Variants in EFR3B observed in about 807,000 individuals in gnomAD.
EFR3B encodes EFR3 homolog B.
In EFR3B, 64 loss-of-function variants were observed where a neutral mutation model predicts 104.7. The ratio of observed to expected loss-of-function variants is 0.61; its 90% CI spans 0.50 to 0.75. EFR3B has a LOEUF of 0.75. Among genes scored for constraint, EFR3B ranks in the 30% least tolerant of loss-of-function variants. EFR3B has a pLI of 0.00. For missense variants in EFR3B, 750 were observed against 1,078.5 expected, an observed-to-expected ratio of 0.70 and a Z score of 4.27; for synonymous variants, 385 against 417.9, an observed-to-expected ratio of 0.92 and a Z score of 0.96.
Position 25,081,016 on chromosome 2 carries a change from C to CA in EFR3B, c.8-10308dup. ...TCTTTAATTGCATCAGGAGTCTCAG[C>CA]AGCAACATCTGCAATGTTGACACCA... On this transcript the variant is annotated intron_variant, in intron 1 of 22. Coordinates refer to ENST00000403714, the MANE Select transcript of EFR3B (RefSeq NM_014971.2). 7.9e-6 allele frequency: 6 copies of CA among 754,838 alleles called. No individual in the cohort carries two copies. The South Asian group carries it at 8.3e-5, about 10-fold the overall frequency. The allele number at this position is 754,838 out of a possible 1,614,324, so 46.8% of individuals were successfully genotyped here.
At chr2:25,081,802 A>T in intron 1 of EFR3B, 1 of 352,300 alleles carries the variant, frequency 2.8e-6, no homozygotes, top group Non-Finnish European at 5.1e-6. Context: ...AAGGAGAGGA[A>T]ATAATTCAAA....
intron 4 of EFR3B, among the ~76,000 whole-genome samples, chr2:25,118,447 G>C (rs1385912637): frequency 6.6e-6 from 1 of 152,084 alleles, no homozygotes; most frequent in East Asian, 1.9e-4. Flanking sequence ...CTGTGTGTGT[G>C]TGTATACACA....
rs1317217716 is a variant in EFR3B, at chr2:25,130,518, T to C, written c.771-34T>C. ...CTTCTCCCTAACACTGCCGGGAGTT[T>C]CATAGTTGTTCCCCCACGTTTTCTC... On this transcript the variant is annotated intron_variant, in intron 7 of 22. Coordinates refer to ENST00000403714, the MANE Select transcript of EFR3B (RefSeq NM_014971.2). The surrounding 1 kb of genome is among the most constrained non-coding windows in gnomAD (Gnocchi z 4.6). 1.3e-6 allele frequency: 2 copies of C among 1,521,008 alleles called. No homozygotes were observed. 94.2% of individuals were successfully genotyped at this position (1,521,008 alleles called of 1,614,324 possible).
intron 1 of EFR3B, among the ~76,000 whole-genome samples, chr2:25,078,130 G>A (rs1322372226): frequency 6.6e-6 from 1 of 152,166 alleles, no homozygotes; most frequent in Non-Finnish European, 1.5e-5. Flanking sequence ...CTTGATGGCA[G>A]AACCTGTCTA....
At chr2:25,089,544 C>G (rs888425201) in intron 1 of EFR3B, among the ~76,000 whole-genome samples, 2 of 152,140 alleles carry the variant, frequency 1.3e-5, no homozygotes, top group African/African-American at 4.8e-5. Flanking sequence ...CGTGTGCTAC[C>G]TGGGCACCTT....
chr2:25,103,787 G>C lies in EFR3B; in HGVS notation c.363G>C (p.Ser121=). ...ACCTGCAGATCCTCGGCACCAACTC[G>C]GTAAGGAGCGGCCCAGGGGGCTCCA... ...KPNLQILGTN[S]FVKFANIEED... is the part of the protein sequence containing the mutation. Residue 121 remains serine (S), a splice_region_variant and synonymous_variant, in exon 4 of 23, where the codon TCG becomes TCC. Coordinates refer to ENST00000403714, the MANE Select transcript of EFR3B (RefSeq NM_014971.2). The C allele has an allele frequency of 6.4e-7, 1 of 1,551,330 alleles. No individual in the cohort carries two copies. Among genetic ancestry groups the C allele is most frequent in the Non-Finnish European group, 8.7e-7 (1 of 1,146,800 alleles).
At chr2:25,141,102 A>T (rs547656260) in intron 16 of EFR3B, among the ~76,000 whole-genome samples, 3 of 151,116 alleles carry the variant, frequency 2.0e-5, no homozygotes, top group African/African-American at 7.3e-5. Context: ...GCAGTCTCTT[A>T]AGAGTTAAGT....
chr2:25,154,507 C>T lies in EFR3B; in HGVS notation c.*167C>T. On this transcript the variant is annotated 3_prime_UTR_variant, in exon 23 of 23. Coordinates refer to ENST00000403714, the MANE Select transcript of EFR3B (RefSeq NM_014971.2). This position sits in a 1 kb window ranked among gnomAD's most constrained non-coding sequence, Gnocchi z 4.1. ...TGGAGACTCTCTGGTCCTTCTTGGCCCTCCTACCTCCTCCTCGTCTTCCCT... is the reference window on the plus strand; with the variant it reads ...TGGAGACTCTCTGGTCCTTCTTGGCTCTCCTACCTCCTCCTCGTCTTCCCT... 2 of 597,880 alleles carry T rather than the reference C, an allele frequency of 3.3e-6. No individual in the cohort carries two copies. Among genetic ancestry groups the T allele is most frequent in the Non-Finnish European group, 5.8e-6 (2 of 342,066 alleles). 37.0% of individuals were successfully genotyped at this position (597,880 alleles called of 1,614,324 possible).
At chr2:25,093,267 G>T (rs1340071247) in intron 3 of EFR3B, 137 bp downstream of exon 3, 11 of 1,212,608 alleles carry the variant, frequency 9.1e-6, no homozygotes, top group African/African-American at 1.5e-5. Context: ...GGTCAAGGTG[G>T]GAGGATCACT....
intron 1 of EFR3B, among the ~76,000 whole-genome samples, chr2:25,043,583 A>G (rs1029292708): frequency 2.0e-5 from 3 of 152,176 alleles, no homozygotes; most frequent in African/African-American, 7.2e-5. Context: ...AGGGTGAGAC[A>G]TCAGCAGGTC....
intron 1 of EFR3B, among the ~76,000 whole-genome samples, chr2:25,044,524 C>T (rs1031889839): frequency 1.3e-5 from 2 of 152,056 alleles, no homozygotes; most frequent in Non-Finnish European, 1.5e-5. Context: ...TCCAGGGTGA[C>T]AGAGTTAGAT....
chr2:25,141,277 C>A, intron 16 of EFR3B, 89 bp from the exon 17 acceptor site: 3 of 1,376,884 alleles, frequency 2.2e-6, no homozygotes, highest in African/African-American at 1.4e-5. Context: ...AGGGAGGAAG[C>A]ACCGAGCCGG....
chr2:25,120,425 C>T (rs548140503), intron 4 of EFR3B, among the ~76,000 whole-genome samples: 1 of 152,152 alleles, frequency 6.6e-6, no homozygotes, highest in Non-Finnish European at 1.5e-5. Flanking sequence ...GCGGGCGGAT[C>T]ACAAGGTCAA....
At position 25,042,895 on chromosome 2, in the gene EFR3B, C is replaced by CTT. The variant is rs1667612577; in HGVS notation, c.7+576_7+577insTT. 6.6e-6 allele frequency among the ~76,000 whole-genome samples: 1 copy of CTT among 152,156 alleles called. No individual in the cohort carries two copies. The highest frequency in any genetic ancestry group is 1.5e-5 in the Non-Finnish European group (1 of 68,024). The stretch of plus-strand genomic sequence containing the variant: ...CACCAACTTCCAGATTTTCCCTCCG[C>CTT]AGTGATGAAGGGAGGAGACGCTGCT... On this transcript the variant is annotated intron_variant, in intron 1 of 22. Coordinates refer to ENST00000403714, the MANE Select transcript of EFR3B (RefSeq NM_014971.2). The surrounding 1 kb of genome is among the most constrained non-coding windows in gnomAD (Gnocchi z 5.4).
chr2:25,110,862 A>G (rs2149195557), intron 4 of EFR3B, among the ~76,000 whole-genome samples: 1 of 152,284 alleles, frequency 6.6e-6, no homozygotes, highest in East Asian at 1.9e-4. Context: ...AACTTAGTAA[A>G]GACTATTTAT....
chr2:25,076,752 C>G (rs1668643284), intron 1 of EFR3B, among the ~76,000 whole-genome samples: 1 of 152,204 alleles, frequency 6.6e-6, no homozygotes, highest in Admixed American at 6.5e-5. Flanking sequence ...ACGTTTCTCT[C>G]CTTTTAAATC....
At chr2:25,073,979 C>A (rs1370273108) in intron 1 of EFR3B, among the ~76,000 whole-genome samples, 1 of 152,154 alleles carries the variant, frequency 6.6e-6, no homozygotes, top group Non-Finnish European at 1.5e-5. Context: ...ATTGATTGTG[C>A]CTTTTCTCTC....
chr2:25,132,102 G>A (rs1238352564), intron 10 of EFR3B, among the ~76,000 whole-genome samples, 191 bp downstream of exon 10: 1 of 152,184 alleles, frequency 6.6e-6, no homozygotes, highest in African/African-American at 2.4e-5. Context: ...TGGAGAGGGA[G>A]GGACCGCACT....
intron 16 of EFR3B, among the ~76,000 whole-genome samples, 162 bp downstream of exon 16, chr2:25,139,352 C>T (rs1226584323): frequency 1.3e-5 from 2 of 152,076 alleles, no homozygotes; most frequent in Admixed American, 1.3e-4. Context: ...GCATCTTTCC[C>T]TCCTGTATGA....
Sources: gnomAD v4.1 joint callset for allele counts (sites outside exome capture counted in the v4.1 genomes callset) on GRCh38, gnomAD v4.1.1 for gene constraint, Gnocchi (gnomAD v3.1) non-coding constraint, MANE v1.5 for transcripts, NCBI Gene and HGNC (gene_info 2026-07-23, HGNC 2026-07-21) for gene names.